The following DIAPH3 variants were observed in gnomAD, a reference collection of about 807,000 sequenced individuals.
DIAPH3 encodes the protein protein diaphanous homolog 3.
DIAPH3 carries 117 observed loss-of-function variants against 144.3 expected under a neutral mutation model. The ratio of observed to expected loss-of-function variants is 0.81; its 90% CI spans 0.70 to 0.95. The LOEUF is 0.95. Among genes scored for constraint, DIAPH3 ranks in the 40% least tolerant of loss-of-function variants. The pLI is 0.00. For synonymous variants in DIAPH3, 519 were observed against 488.9 expected (o/e 1.06, Z -0.81); for missense variants, 1,421 against 1,412.7 (o/e 1.01, Z -0.09).
intron 27 of DIAPH3, among the ~76,000 whole-genome samples, chr13:59,722,614 T>C (rs1455818695): frequency 2.0e-5 from 3 of 152,200 alleles, no homozygotes; most frequent in Non-Finnish European, 2.9e-5. Context: ...TCACTAGCTG[T>C]GTAGTACTAA....
intron 17 of DIAPH3, among the ~76,000 whole-genome samples, chr13:59,937,375 A>G (rs1317157550): frequency 6.6e-6 from 1 of 152,228 alleles, no homozygotes; most frequent in Admixed American, 6.5e-5. Flanking sequence ...TTCCTAATTT[A>G]GAAGAACTAA....
At chr13:59,819,537 A>C (rs1173822867) in intron 24 of DIAPH3, among the ~76,000 whole-genome samples, 2 of 151,876 alleles carry the variant, frequency 1.3e-5, no homozygotes, top group South Asian at 2.1e-4. Flanking sequence ...TTTCTAAAAA[A>C]CGTTCATATA....
rs75166141 is a variant in DIAPH3, at chr13:60,032,386, C to T, written c.626+10304G>A. Among the ~76,000 whole-genome samples, 1,505 of 152,326 alleles carry T rather than the reference C, an allele frequency of 9.9e-3. 16 individuals carry two copies. Among genetic ancestry groups the T allele is most frequent in the African/African-American group, 0.034 (1,394 of 41,584 alleles). On this transcript the variant is annotated intron_variant, in intron 5 of 27. Coordinates refer to ENST00000400324, the MANE Select transcript of DIAPH3 (RefSeq NM_001042517.2). ...GTGAGGATTCTGCCAGCCCCTACAG[C>T]AGTGTTCTACCTGGACACCCAGGCT... is the stretch of plus-strand genomic sequence containing the variant.
In DIAPH3 at chr13:60,031,047, C is replaced by A. The variant is rs544582587; in HGVS notation, c.626+11643G>T. On this transcript the variant is annotated intron_variant, in intron 5 of 27. Coordinates refer to ENST00000400324, the MANE Select transcript of DIAPH3 (RefSeq NM_001042517.2). ...CATTGCTATAAAGAAATGCCTGAGG[C>A]TTGATGATTTATAAAGAAAAGAGGT... Among the ~76,000 whole-genome samples, 4 of 152,272 alleles carry A rather than the reference C, an allele frequency of 2.6e-5. No homozygotes were observed. The South Asian group carries it at 6.2e-4, about 24-fold the overall frequency.
intron 23 of DIAPH3, among the ~76,000 whole-genome samples, chr13:59,834,002 G>A (rs2041916619): frequency 6.6e-6 from 1 of 151,156 alleles, no homozygotes; most frequent in Non-Finnish European, 1.5e-5. Context: ...TTAGAAAACT[G>A]GTATATAATT....
intron 25 of DIAPH3, among the ~76,000 whole-genome samples, chr13:59,775,977 A>C (rs1177549328): frequency 2.0e-5 from 3 of 152,228 alleles, no homozygotes; most frequent in Admixed American, 1.3e-4. Flanking sequence ...CTACTGGCCC[A>C]AACCAAATTC....
chr13:59,920,769 T>C (rs1033392813), intron 18 of DIAPH3, among the ~76,000 whole-genome samples: 1 of 151,738 alleles, frequency 6.6e-6, no homozygotes, highest in East Asian at 1.9e-4. Context: ...ACATTTCATA[T>C]AACAAAATCA....
intron 5 of DIAPH3, among the ~76,000 whole-genome samples, chr13:60,024,814 T>C (rs1421611494): frequency 6.6e-6 from 1 of 152,166 alleles, no homozygotes; most frequent in African/African-American, 2.4e-5. Context: ...GAAACAGAAG[T>C]CCAAGAGAGA....
chr13:59,992,769 C>T (rs1389514865), intron 9 of DIAPH3, among the ~76,000 whole-genome samples, 186 bp from the exon 10 acceptor site: 4 of 146,126 alleles, frequency 2.7e-5, no homozygotes, highest in African/African-American at 1.0e-4. Flanking sequence ...TTTTTTATTT[C>T]TCATTTATTT....
At chr13:59,749,387 G>A (rs139326302) in intron 27 of DIAPH3, among the ~76,000 whole-genome samples, 6,403 of 150,516 alleles carry the variant, frequency 0.043, 230 homozygotes, top group South Asian at 0.1. Context: ...AGGCGTGGTG[G>A]TGGGCACCTG....
At chr13:59,931,382 G>A (rs560338652) in intron 17 of DIAPH3, among the ~76,000 whole-genome samples, 1 of 152,130 alleles carries the variant, frequency 6.6e-6, no homozygotes, top group African/African-American at 2.4e-5. Flanking sequence ...AATGAATCCT[G>A]TTAAAAACTT....
chr13:59,863,634 C>T (rs1450209172), intron 21 of DIAPH3, among the ~76,000 whole-genome samples: 1 of 152,028 alleles, frequency 6.6e-6, no homozygotes, highest in Non-Finnish European at 1.5e-5. Context: ...CATCATGACA[C>T]ATGTAATAGG....
chr13:59,967,095 C>A (rs927788230), intron 17 of DIAPH3, among the ~76,000 whole-genome samples: 5 of 152,176 alleles, frequency 3.3e-5, no homozygotes, highest in African/African-American at 9.6e-5. Flanking sequence ...GAGACATAGT[C>A]TTACTCTGTT....
intron 23 of DIAPH3, among the ~76,000 whole-genome samples, chr13:59,834,127 T>C (rs1366967974): frequency 6.6e-6 from 1 of 151,726 alleles, no homozygotes; most frequent in Non-Finnish European, 1.5e-5. Context: ...ATTAAGAAGA[T>C]GAATTTAATG....
intron 25 of DIAPH3, among the ~76,000 whole-genome samples, chr13:59,810,033 CATAT>C (rs991830433): frequency 6.6e-5 from 10 of 151,904 alleles, no homozygotes; most frequent in Non-Finnish European, 1.5e-5. Flanking sequence ...TCTTGAAATA[CATAT>C]ATACATATGT....
intron 25 of DIAPH3, among the ~76,000 whole-genome samples, chr13:59,797,918 T>C (rs2039698311): frequency 6.6e-6 from 1 of 152,212 alleles, no homozygotes; most frequent in African/African-American, 2.4e-5. Flanking sequence ...AAGAAGTTAA[T>C]AGTTACTGTG....
chr13:59,940,612 T>C (rs2048480296), intron 17 of DIAPH3, among the ~76,000 whole-genome samples: 2 of 152,214 alleles, frequency 1.3e-5, no homozygotes, highest in Admixed American at 6.5e-5. Context: ...ATATAATTTC[T>C]TGAATTTCTG....
chr13:59,669,435 A>G (rs1190171847), intron 27 of DIAPH3, among the ~76,000 whole-genome samples: 5 of 152,126 alleles, frequency 3.3e-5, no homozygotes, highest in Non-Finnish European at 5.9e-5. Flanking sequence ...TGATCAGAAG[A>G]GAGCTCCTGC....
At chr13:59,715,137 C>G (rs1002225469) in intron 27 of DIAPH3, among the ~76,000 whole-genome samples, 2 of 152,090 alleles carry the variant, frequency 1.3e-5, no homozygotes, top group African/African-American at 4.8e-5. Context: ...TTTCGTTCAT[C>G]TAATATTTGT....
Sources: allele counts gnomAD v4.1 joint callset (sites outside exome capture counted in the v4.1 genomes callset), GRCh38; gene constraint gnomAD v4.1.1; transcripts MANE v1.5; gene names NCBI Gene and HGNC (gene_info 2026-07-23, HGNC 2026-07-21).